Variants in SNTG2 observed in about 807,000 individuals in gnomAD.
SNTG2 encodes syntrophin gamma 2, also known as gamma-2-syntrophin.
In SNTG2, 74 loss-of-function variants were observed where a neutral mutation model predicts 70.9. That is an observed-to-expected ratio of 1.04 (90% CI 0.86 to 1.27). The LOEUF is 1.27. SNTG2 is among the 50% of genes most tolerant of loss of function. The probability of loss-of-function intolerance (pLI) is 0.00; values close to 1 mark genes in which losing one functional copy is unlikely to be tolerated. For missense variants in SNTG2, 717 were observed against 690.7 expected, an observed-to-expected ratio of 1.04 and a Z score of -0.43; for synonymous variants, 278 against 273.8, an observed-to-expected ratio of 1.02 and a Z score of -0.15.
At chr2:1,309,046 G>A (rs996478713) in intron 15 of SNTG2, among the ~76,000 whole-genome samples, 2 of 152,124 alleles carry the variant, frequency 1.3e-5, no homozygotes, top group African/African-American at 2.4e-5. Flanking sequence ...TCCTAACTAC[G>A]TAAGTGTTAA....
chr2:1,073,230 C>G (rs1298906654), intron 1 of SNTG2, among the ~76,000 whole-genome samples: 3 of 152,174 alleles, frequency 2.0e-5, no homozygotes, highest in African/African-American at 4.8e-5. Flanking sequence ...CAAACAGCAT[C>G]AAATGCTACA....
At chr2:1,338,250 G>A (rs946993894) in intron 16 of SNTG2, among the ~76,000 whole-genome samples, 5 of 152,178 alleles carry the variant, frequency 3.3e-5, no homozygotes, top group Non-Finnish European at 5.9e-5. Flanking sequence ...TTTGAATGGA[G>A]AATGTATTGA....
At chr2:1,200,913 T>C (rs1673235457) in intron 8 of SNTG2, among the ~76,000 whole-genome samples, 1 of 151,930 alleles carries the variant, frequency 6.6e-6, no homozygotes, top group African/African-American at 2.4e-5. Flanking sequence ...TCTGGAAGGA[T>C]GAGGAGAAAA....
chr2:1,118,055 C>A (rs893503845), intron 4 of SNTG2, among the ~76,000 whole-genome samples: 1 of 152,148 alleles, frequency 6.6e-6, no homozygotes, highest in African/African-American at 2.4e-5. Context: ...TCTGAACTGC[C>A]AGAGTCTGCC....
chr2:1,088,931 G>A (rs915430093), intron 2 of SNTG2, among the ~76,000 whole-genome samples: 2 of 152,234 alleles, frequency 1.3e-5, no homozygotes, highest in Non-Finnish European at 2.9e-5. Flanking sequence ...GGCATGGCGA[G>A]GCAGTATGAT....
At chr2:1,312,570 G>A (rs1035818865) in intron 15 of SNTG2, among the ~76,000 whole-genome samples, 1 of 152,232 alleles carries the variant, frequency 6.6e-6, no homozygotes, top group African/African-American at 2.4e-5. Flanking sequence ...CATACGTGTA[G>A]GACCAAGAGC....
rs1397786847 is a variant in SNTG2 at position 1,222,089 on chromosome 2, C to CTGTT, written c.719+12860_719+12861insGTTT. Among the ~76,000 whole-genome samples the CTGTT allele has an allele frequency of 1.9e-4, 3 of 16,008 alleles. 1 individual carries two copies. Among genetic ancestry groups the CTGTT allele is most frequent in the Non-Finnish European group, 3.9e-4 (3 of 7,724 alleles). 10.5% of individuals were successfully genotyped at this position (16,008 alleles called of 152,430 possible). ...TTTCTCTCTGTCTCTGTCTCTGTCT[C>CTGTT]TCTCTGTCTCTCTCTGTCTCTCTCT... is the stretch of plus-strand genomic sequence containing the variant. On this transcript the variant is annotated intron_variant, in intron 9 of 16. Transcript: ENST00000308624.
chr2:1,308,340 C>T (rs934148463), intron 14 of SNTG2, among the ~76,000 whole-genome samples, 154 bp from the exon 15 acceptor site: 5 of 152,118 alleles, frequency 3.3e-5, no homozygotes, highest in Non-Finnish European at 7.3e-5. Flanking sequence ...GTGGGTCTCC[C>T]GGGACCCTGC....
intron 4 of SNTG2, among the ~76,000 whole-genome samples, chr2:1,121,756 G>T (rs1268468017): frequency 2.6e-5 from 4 of 152,148 alleles, no homozygotes; most frequent in Non-Finnish European, 5.9e-5. Flanking sequence ...CAGCATGGGG[G>T]AAACTGCCCC....
chr2:1,250,049 C>T (rs1677662263), intron 12 of SNTG2, among the ~76,000 whole-genome samples: 1 of 152,124 alleles, frequency 6.6e-6, no homozygotes, highest in Non-Finnish European at 1.5e-5. Context: ...TGCCGGGAAG[C>T]CAAAGTCACA....
chr2:1,304,717 A>G (rs913074958), intron 14 of SNTG2, among the ~76,000 whole-genome samples: 1 of 134,206 alleles, frequency 7.5e-6, no homozygotes, highest in African/African-American at 2.9e-5. Context: ...TAAGAGCGAA[A>G]CTCTCTCTCT....
intron 16 of SNTG2, among the ~76,000 whole-genome samples, chr2:1,363,129 A>AACC (rs1661290695): frequency 7.1e-6 from 1 of 140,570 alleles, no homozygotes; most frequent in Non-Finnish European, 1.5e-5. Context: ...CACAAAATGG[A>AACC]CCCCCCCCAT....
intron 10 of SNTG2, among the ~76,000 whole-genome samples, chr2:1,238,715 G>A (rs1306720133): frequency 1.3e-5 from 2 of 152,226 alleles, no homozygotes; most frequent in Non-Finnish European, 2.9e-5. Flanking sequence ...CCCTGGACCA[G>A]CCTTGCTGCC....
chr2:1,043,077 AT>A (rs2148061385), intron 1 of SNTG2, among the ~76,000 whole-genome samples: 1 of 152,230 alleles, frequency 6.6e-6, no homozygotes, highest in Non-Finnish European at 1.5e-5. Context: ...CAGCTGTGAG[AT>A]GATATCTTGC....
At chr2:1,163,512 G>A (rs1670483842) in intron 6 of SNTG2, 1 of 150,920 alleles carries the variant, frequency 6.6e-6, no homozygotes, top group African/African-American at 2.4e-5. Flanking sequence ...CTCCCAACAG[G>A]AAGTGGCATG....
intron 14 of SNTG2, among the ~76,000 whole-genome samples, chr2:1,299,553 A>T (rs1680361644): frequency 6.6e-6 from 1 of 152,178 alleles, no homozygotes; most frequent in Admixed American, 6.5e-5. Flanking sequence ...TTCGAGCCCC[A>T]TGTGCTCCAG....
At chr2:1,026,668 A>G (rs1046510758) in intron 1 of SNTG2, among the ~76,000 whole-genome samples, 9 of 152,098 alleles carry the variant, frequency 5.9e-5, no homozygotes, top group Admixed American at 2.0e-4. Context: ...TTGTGCATGG[A>G]ATGGAGCTCA....
intron 15 of SNTG2, among the ~76,000 whole-genome samples, chr2:1,313,354 G>A (rs1433901749): frequency 2.0e-5 from 3 of 152,192 alleles, no homozygotes; most frequent in African/African-American, 4.8e-5. Flanking sequence ...TGTGCCACGG[G>A]AGGATGGGTC....
At chr2:1,155,301 T>TAC (rs1396358795) in intron 6 of SNTG2, among the ~76,000 whole-genome samples, 2 of 148,686 alleles carry the variant, frequency 1.3e-5, no homozygotes, top group African/African-American at 2.5e-5. Flanking sequence ...TACCCACATG[T>TAC]ACACACACAT....
Sources: allele counts gnomAD v4.1 joint callset (sites outside exome capture counted in the v4.1 genomes callset), GRCh38; gene constraint gnomAD v4.1.1; transcripts MANE v1.5; gene names NCBI Gene and HGNC (gene_info 2026-07-23, HGNC 2026-07-21).